The following ALDH3B1 variants were observed in gnomAD, a reference collection of about 807,000 sequenced individuals.
ALDH3B1 encodes aldehyde dehydrogenase family 3 member B1.
Under a neutral mutation model 46.2 loss-of-function variants are expected in ALDH3B1, and 37 were observed. That is an observed-to-expected ratio of 0.80 (90% CI 0.62 to 1.05). The LOEUF is 1.05. Ranked by LOEUF, ALDH3B1 falls within the 50% of genes least tolerant of loss-of-function variation. The probability of loss-of-function intolerance (pLI) is 0.00; values close to 1 mark genes in which losing one functional copy is unlikely to be tolerated. For missense variants in ALDH3B1, 603 were observed against 665.5 expected, an observed-to-expected ratio of 0.91 and a Z score of 1.03; for synonymous variants, 283 against 281.0, an observed-to-expected ratio of 1.01 and a Z score of -0.07.
rs1423988456 is a variant in ALDH3B1 at position 68,021,466 on chromosome 11, G to A, written c.563-19G>A. 3.1e-6 allele frequency: 5 copies of A among 1,597,530 alleles called. No homozygotes were observed. In the South Asian group the frequency reaches 3.4e-5, roughly 11 times the overall value. ...GTCCAGGTCACTGAACGGCCACTCT[G>A]GTTTCCTTCCATGCCCAGGGAGCCC... On this transcript the variant is annotated intron_variant, in intron 6 of 9. Transcript: ENST00000342456.
rs1262679060 is a variant in ALDH3B1, at chr11:68,027,978, C to G, written c.*39C>G. On this transcript the variant is annotated 3_prime_UTR_variant, in exon 10 of 10. Coordinates refer to ENST00000342456, the MANE Select transcript of ALDH3B1 (RefSeq NM_000694.4). ...CCCAGGCTGTAGACCACCATGACAGCTGTCGCCTGCGGCTGGTGGAGACGG... is the reference window on the plus strand; with the variant it reads ...CCCAGGCTGTAGACCACCATGACAGGTGTCGCCTGCGGCTGGTGGAGACGG... The G allele has an allele frequency of 6.4e-7, 1 of 1,558,062 alleles. No homozygotes were observed. Among genetic ancestry groups the G allele is most frequent in the East Asian group, 2.4e-5 (1 of 42,316 alleles).
intron 9 of ALDH3B1, among the ~76,000 whole-genome samples, chr11:68,027,284 C>T (rs553544663): frequency 5.6e-4 from 86 of 152,278 alleles, no homozygotes; most frequent in Non-Finnish European, 1.0e-3. Context: ...GTGCTCTGAA[C>T]GCCCTGGCCT....
In ALDH3B1 at chr11:68,018,824, C is replaced by T. The variant is rs2134389247; in HGVS notation, c.325C>T (p.Leu109Phe). The stretch of plus-strand genomic sequence containing the variant: ...CCGGAAGGAGCCCTTTGGCCTGGTC[C>T]TCATCATTGCGCCCTGGAACTATCC... Reference protein sequence around the residue: ...FIRKEPFGLVLIIAPWNYPLN... With the variant: ...FIRKEPFGLVFIIAPWNYPLN... The change falls in exon 4 of 10, where the codon CTC (leucine) becomes TTC (phenylalanine). Residue 109 changes from leucine to phenylalanine, a missense_variant. Leu to Phe is a conservative substitution (Grantham distance 22). Coordinates refer to ENST00000342456, the MANE Select transcript of ALDH3B1 (RefSeq NM_000694.4). 6.4e-7 allele frequency: 1 copy of T among 1,564,998 alleles called. No individual in the cohort carries two copies. The highest frequency in any genetic ancestry group is 1.9e-5 in the Admixed American group (1 of 52,670).
At position 68,019,161 on chromosome 11, in the gene ALDH3B1, G is replaced by A; in HGVS notation, c.395-9G>A. On this transcript the variant is annotated splice_polypyrimidine_tract_variant and intron_variant, in intron 4 of 9. Coordinates refer to ENST00000342456, the MANE Select transcript of ALDH3B1 (RefSeq NM_000694.4). ...CCTCCTCCAGCTCTCTCCCTGCACT[G>A]CCCTGCAGGGAACTGTGTGGTGCTG... is the stretch of plus-strand genomic sequence containing the variant. The A allele has an allele frequency of 6.2e-7, 1 of 1,610,718 alleles. No homozygotes were observed. Among genetic ancestry groups the A allele is most frequent in the Non-Finnish European group, 8.5e-7 (1 of 1,178,616 alleles).
Position 68,027,800 on chromosome 11 carries a change from C to T in ALDH3B1, c.1268C>T (p.Ser423Phe). The T allele has an allele frequency of 6.4e-7, 1 of 1,559,606 alleles. No homozygotes were observed. ...GGCAAGTTCTCCTTCGACACCTTCTCCCACCATCGCGCCTGCCTCCTGCGC... is the reference window on the plus strand; with the variant it reads ...GGCAAGTTCTCCTTCGACACCTTCTTCCACCATCGCGCCTGCCTCCTGCGC... ...YHGKFSFDTFSHHRACLLRSP... is the reference protein window; with the variant it reads ...YHGKFSFDTFFHHRACLLRSP... Residue 423 changes from serine (S) to phenylalanine (F), a missense_variant, in exon 10 of 10, where the codon TCC (serine) becomes TTC (phenylalanine). Transcript: ENST00000342456.
At position 68,018,901 on chromosome 11, in the gene ALDH3B1, C is replaced by A; in HGVS notation, c.394+8C>A. The A allele has an allele frequency of 6.4e-7, 1 of 1,552,260 alleles. No homozygotes were observed. Among genetic ancestry groups the A allele is most frequent in the Non-Finnish European group, 8.7e-7 (1 of 1,148,092 alleles). ...TGGGAGCCCTCGCTGCAGGTGAGAG[C>A]TGGGCCTGCCCCTTCCGGTCACCCT... On this transcript the variant is annotated splice_region_variant and intron_variant, in intron 4 of 9. Coordinates refer to ENST00000342456, the MANE Select transcript of ALDH3B1 (RefSeq NM_000694.4).
intron 1 of ALDH3B1, among the ~76,000 whole-genome samples, chr11:68,014,229 G>A (rs1445236478): frequency 6.6e-6 from 1 of 152,194 alleles, no homozygotes; most frequent in Non-Finnish European, 1.5e-5. Flanking sequence ...GGACAGGGTT[G>A]GGAGGTGGGT....
intron 7 of ALDH3B1, 26 bp from the exon 8 acceptor site, chr11:68,022,569 G>A (rs1393473565): frequency 6.2e-7 from 1 of 1,611,626 alleles, no homozygotes; most frequent in Non-Finnish European, 8.5e-7. Context: ...GTGGCCCCAG[G>A]GCTGAGCTGT....
chr11:68,012,265 C>T (rs901225252), intron 1 of ALDH3B1, among the ~76,000 whole-genome samples: 1 of 152,218 alleles, frequency 6.6e-6, no homozygotes, highest in African/African-American at 2.4e-5. Flanking sequence ...TTCCTCCCCA[C>T]TCTGTTCCCG....
intron 7 of ALDH3B1, among the ~76,000 whole-genome samples, chr11:68,022,192 A>G (rs1857517149): frequency 6.6e-6 from 1 of 152,042 alleles, no homozygotes; most frequent in Non-Finnish European, 1.5e-5. Flanking sequence ...CGAGCCCACA[A>G]TCCCCAGGTT....
chr11:68,021,820 T>C lies in ALDH3B1; in HGVS notation c.898T>C (p.Cys300Arg). ...QFQRLRALLGCGRVAIGGQSD... is the reference protein window; with the variant it reads ...QFQRLRALLGRGRVAIGGQSD... ...CCAGCGGCTGCGGGCATTGCTGGGC[T>C]GCGGCCGTGTGGCCATTGGGGGCCA... is the stretch of plus-strand genomic sequence containing the variant. Residue 300 changes from cysteine to arginine, a missense_variant, in exon 7 of 10, where the codon TGC becomes CGC. By Grantham distance (180) the Cys-to-Arg change is radical. Coordinates refer to ENST00000342456, the MANE Select transcript of ALDH3B1 (RefSeq NM_000694.4). The C allele has an allele frequency of 6.2e-7, 1 of 1,613,994 alleles. No homozygotes were observed. The highest frequency in any genetic ancestry group is 8.5e-7 in the Non-Finnish European group (1 of 1,179,930).
chr11:68,014,468 G>T (rs993465131), intron 1 of ALDH3B1, among the ~76,000 whole-genome samples: 1 of 152,234 alleles, frequency 6.6e-6, no homozygotes, highest in African/African-American at 2.4e-5. Flanking sequence ...CTCCTCCGAT[G>T]AACTTCAAGT....
At position 68,021,600 on chromosome 11, in the gene ALDH3B1, G is replaced by A. The variant is rs1202002875; in HGVS notation, c.678G>A (p.Gln226=). The A allele has an allele frequency of 1.2e-6, 2 of 1,613,998 alleles. No homozygotes were observed. Among genetic ancestry groups the A allele is most frequent in the Non-Finnish European group, 1.7e-6 (2 of 1,180,000 alleles). The change falls in exon 7 of 10, where the codon CAG becomes CAA. Residue 226 remains glutamine (Q), a synonymous_variant. Transcript: ENST00000342456. Reference sequence around the variant, plus strand: ...ACGTGGACGACAACTGCGACCCCCAGACCGTGGCCAACCGCGTGGCCTGGT... The same window carrying A: ...ACGTGGACGACAACTGCGACCCCCAAACCGTGGCCAACCGCGTGGCCTGGT... ...PCYVDDNCDP[Q]TVANRVAWFR...
intron 7 of ALDH3B1, among the ~76,000 whole-genome samples, chr11:68,022,154 T>A (rs1857516506): frequency 6.6e-6 from 1 of 152,144 alleles, no homozygotes; most frequent in Non-Finnish European, 1.5e-5. Flanking sequence ...CCACTGGCTA[T>A]CCTGAAAGGC....
At chr11:68,011,112 C>CA (rs1857220579) in intron 1 of ALDH3B1, among the ~76,000 whole-genome samples, 1 of 152,222 alleles carries the variant, frequency 6.6e-6, no homozygotes, top group African/African-American at 2.4e-5. Context: ...CATCAAAAGA[C>CA]AAAATGACAA....
At chr11:68,021,422 G>C (rs886281439) in intron 6 of ALDH3B1, 63 bp from the exon 7 acceptor site, 1 of 1,560,072 alleles carries the variant, frequency 6.4e-7, no homozygotes, top group Non-Finnish European at 8.7e-7. Context: ...CGGGGCCGTG[G>C]GCTGGGCCAT....
intron 8 of ALDH3B1, among the ~76,000 whole-genome samples, chr11:68,025,515 G>T (rs1485669056): frequency 6.6e-6 from 1 of 152,138 alleles, no homozygotes. Flanking sequence ...GTGCAAATCT[G>T]ACCACATCAT....
chr11:68,028,014 C>A lies in ALDH3B1; in HGVS notation c.*75C>A, dbSNP rs768274330. On this transcript the variant is annotated 3_prime_UTR_variant, in exon 10 of 10. Coordinates refer to ENST00000342456, the MANE Select transcript of ALDH3B1 (RefSeq NM_000694.4). ...GGCTGGTGGAGACGGGGCCTGGGCT[C>A]CCGGGCCCGAGGAGGAAAAGGATTG... 23 of 1,557,094 alleles carry A rather than the reference C, an allele frequency of 1.5e-5. No individual in the cohort carries two copies. The highest frequency in any genetic ancestry group is 2.0e-5 in the Non-Finnish European group (23 of 1,151,204).
chr11:68,009,984 A>G (rs2134375433), upstream of ALDH3B1, among the ~76,000 whole-genome samples: 1 of 152,208 alleles, frequency 6.6e-6, no homozygotes, highest in African/African-American at 2.4e-5. Flanking sequence ...TAATACAATA[A>G]TAGTTCCCCA....
Sources: gnomAD v4.1 joint callset for allele counts (sites outside exome capture counted in the v4.1 genomes callset) on GRCh38, gnomAD v4.1.1 for gene constraint, MANE v1.5 for transcripts, NCBI Gene and HGNC (gene_info 2026-07-23, HGNC 2026-07-21) for gene names.